Variants in FSTL5 observed in about 807,000 individuals in gnomAD.
FSTL5 encodes follistatin like 5.
In FSTL5, 62 loss-of-function variants were observed where a neutral mutation model predicts 89.1. That is an observed-to-expected ratio of 0.70 (90% confidence interval 0.57 to 0.86). FSTL5 has a LOEUF of 0.86. Among genes scored for constraint, FSTL5 ranks in the 40% least tolerant of loss-of-function variants. The pLI is 0.00. For synonymous variants in FSTL5, 383 were observed against 346.2 expected, an observed-to-expected ratio of 1.11 and a Z score of -1.18; for missense variants, 1,057 against 1,001.6, an observed-to-expected ratio of 1.06 and a Z score of -0.75.
chr4:161,835,505 A>T (rs1283453234), intron 4 of FSTL5, among the ~76,000 whole-genome samples: 2 of 152,090 alleles, frequency 1.3e-5, no homozygotes, highest in Non-Finnish European at 2.9e-5. Flanking sequence ...CTACCATCAG[A>T]GTGAACAGGC....
At chr4:161,780,402 T>G (rs527915456) in intron 4 of FSTL5, among the ~76,000 whole-genome samples, 2 of 152,126 alleles carry the variant, frequency 1.3e-5, no homozygotes, top group Middle Eastern at 3.2e-3. Flanking sequence ...CAGAGTGAGA[T>G]TGGCATAGCT....
intron 8 of FSTL5, among the ~76,000 whole-genome samples, chr4:161,573,898 G>C (rs931865127): frequency 6.6e-6 from 1 of 152,142 alleles, no homozygotes; most frequent in Non-Finnish European, 1.5e-5. Context: ...CTGGAGGCCA[G>C]AAGACCAAAA....
At chr4:161,661,538 A>G (rs1224931766) in intron 6 of FSTL5, among the ~76,000 whole-genome samples, 1 of 152,182 alleles carries the variant, frequency 6.6e-6, no homozygotes, top group Non-Finnish European at 1.5e-5. Context: ...TTATTCTCAT[A>G]TAAGATAACC....
intron 7 of FSTL5, among the ~76,000 whole-genome samples, chr4:161,629,150 G>T (rs1328507106): frequency 4.6e-5 from 7 of 152,124 alleles, no homozygotes; most frequent in Non-Finnish European, 5.9e-5. Flanking sequence ...CCCTGTGGCT[G>T]TCCAACATAA....
At chr4:161,800,128 T>TA (rs1186468634) in intron 4 of FSTL5, among the ~76,000 whole-genome samples, 4 of 151,694 alleles carry the variant, frequency 2.6e-5, no homozygotes, top group Non-Finnish European at 4.4e-5. Context: ...CCTGACTGCT[T>TA]AGTTCTAAGT....
intron 2 of FSTL5, among the ~76,000 whole-genome samples, chr4:162,100,075 C>T (rs1162625824): frequency 6.6e-6 from 1 of 152,010 alleles, no homozygotes; most frequent in African/African-American, 2.4e-5. Context: ...TGGTATTTAC[C>T]CAAAAGAGCT....
At chr4:161,480,893 A>G in intron 13 of FSTL5, 127 bp downstream of exon 13, 1 of 629,810 alleles carries the variant, frequency 1.6e-6, no homozygotes, top group East Asian at 3.0e-5. Flanking sequence ...GAAAATGCAT[A>G]AATTTTCTAG....
chr4:161,503,192 T>C (rs1730361350), intron 11 of FSTL5, among the ~76,000 whole-genome samples: 1 of 151,668 alleles, frequency 6.6e-6, no homozygotes. Flanking sequence ...AGTTAGAGAA[T>C]GTAAAATATT....
Position 161,657,797 on chromosome 4 carries a change from C to T in FSTL5, c.728-1303G>A, listed in dbSNP as rs148010257. On this transcript the variant is annotated intron_variant, in intron 6 of 15. Coordinates refer to ENST00000306100, the MANE Select transcript of FSTL5 (RefSeq NM_020116.5). Reference sequence around the variant, plus strand: ...AAACATATAATTCAACACACACACACGTTAAATGTTGAGTGATCTGTGGTG... The same window carrying T: ...AAACATATAATTCAACACACACACATGTTAAATGTTGAGTGATCTGTGGTG... Among the ~76,000 whole-genome samples the T allele has an allele frequency of 3.4e-3, 519 of 152,040 alleles. 2 individuals are homozygous for T. The highest frequency in any genetic ancestry group is 0.012 in the African/African-American group (493 of 41,528).
chr4:161,579,682 A>G (rs1314938906), intron 8 of FSTL5, among the ~76,000 whole-genome samples: 1 of 149,818 alleles, frequency 6.7e-6, no homozygotes, highest in African/African-American at 2.5e-5. Flanking sequence ...GTGCCATTGC[A>G]CTCCAGCCTG....
At chr4:161,840,970 C>G (rs558196321) in intron 4 of FSTL5, among the ~76,000 whole-genome samples, 2 of 152,096 alleles carry the variant, frequency 1.3e-5, no homozygotes, top group Non-Finnish European at 2.9e-5. Flanking sequence ...CTATTTCTCC[C>G]CCAACACCTG....
At chr4:162,111,194 G>A (rs1197117841) in intron 2 of FSTL5, 77 bp downstream of exon 2, 15 of 1,235,016 alleles carry the variant, frequency 1.2e-5, no homozygotes, top group Admixed American at 2.3e-5. Flanking sequence ...GCTCCTAAGT[G>A]AATAATAAAC....
chr4:161,758,852 G>A (rs1740678072), intron 6 of FSTL5, among the ~76,000 whole-genome samples: 1 of 152,090 alleles, frequency 6.6e-6, no homozygotes, highest in African/African-American at 2.4e-5. Flanking sequence ...AACCTGATAA[G>A]TAATTTTGGT....
chr4:161,817,296 A>G (rs538854716), intron 4 of FSTL5, among the ~76,000 whole-genome samples: 4 of 152,364 alleles, frequency 2.6e-5, no homozygotes, highest in Non-Finnish European at 4.4e-5. Flanking sequence ...AACAAGGAAG[A>G]TAAGATACAT....
At chr4:161,923,290 T>C (rs1734041010) in intron 3 of FSTL5, among the ~76,000 whole-genome samples, 1 of 103,694 alleles carries the variant, frequency 9.6e-6, no homozygotes, top group African/African-American at 3.4e-5. Context: ...AAATTTAATT[T>C]ATCTAAACTT....
intron 8 of FSTL5, among the ~76,000 whole-genome samples, chr4:161,579,251 T>C (rs1208985813): frequency 1.3e-5 from 2 of 152,302 alleles, no homozygotes; most frequent in Middle Eastern, 3.4e-3. Flanking sequence ...TAAAACATTA[T>C]TTAAAAATAC....
intron 2 of FSTL5, among the ~76,000 whole-genome samples, chr4:162,057,686 G>A (rs1227355472): frequency 6.6e-6 from 1 of 152,186 alleles, no homozygotes; most frequent in Non-Finnish European, 1.5e-5. Flanking sequence ...GCTAATGCCT[G>A]TAATCCCAGA....
chr4:161,638,564 G>C (rs566330287), intron 7 of FSTL5, among the ~76,000 whole-genome samples: 1 of 151,162 alleles, frequency 6.6e-6, no homozygotes, highest in African/African-American at 2.4e-5. Flanking sequence ...AATTCTACCA[G>C]AGGTACAAGG....
intron 2 of FSTL5, among the ~76,000 whole-genome samples, chr4:162,064,575 T>C (rs968882155): frequency 2.0e-5 from 3 of 152,018 alleles, no homozygotes; most frequent in Non-Finnish European, 4.4e-5. Flanking sequence ...TACTAAAACA[T>C]TGGCTTATCT....
Sources: allele counts gnomAD v4.1 joint callset (sites outside exome capture counted in the v4.1 genomes callset), GRCh38; gene constraint gnomAD v4.1.1; transcripts MANE v1.5; gene names NCBI Gene and HGNC (gene_info 2026-07-23, HGNC 2026-07-21).